The following DNAL1 variants were observed in gnomAD, a reference collection of about 807,000 sequenced individuals.
DNAL1 encodes chromosome 14 open reading frame 168.
A neutral mutation model predicts 29.4 loss-of-function variants in DNAL1; 17 were observed. The observed-to-expected ratio is 0.58, with a 90% CI of 0.40 to 0.87. The LOEUF (loss-of-function observed/expected upper bound fraction) is 0.87. DNAL1 is among the 40% of genes least tolerant of loss of function. The pLI, the probability that DNAL1 is intolerant of heterozygous loss-of-function variation, is 0.00. For synonymous variants in DNAL1, 78 were observed against 76.3 expected, an observed-to-expected ratio of 1.02 and a Z score of -0.12; for missense variants, 188 against 214.1, an observed-to-expected ratio of 0.88 and a Z score of 0.76.
rs1200036327 is a variant in DNAL1 at position 73,697,753 on chromosome 14, A to AT, written c.*1811_*1812insT. 1 of 151,590 alleles carries AT rather than the reference A, an allele frequency of 6.6e-6. No homozygotes were observed. The highest frequency in any genetic ancestry group is 2.4e-5 in the African/African-American group (1 of 41,230). 9.4% of individuals were successfully genotyped at this position (151,590 alleles called of 1,614,324 possible). ...GCGAGACTCCATATTTAAAAAAAAA[A>AT]AAAAAAAAAAAAGAGGAAAACTTGG... On this transcript the variant is annotated 3_prime_UTR_variant, in exon 8 of 8. Coordinates refer to ENST00000553645, the MANE Select transcript of DNAL1 (RefSeq NM_031427.4).
intron 1 of DNAL1, among the ~76,000 whole-genome samples, chr14:73,649,089 G>A (rs558270252): frequency 2.6e-5 from 4 of 151,318 alleles, no homozygotes; most frequent in Admixed American, 1.3e-4. Flanking sequence ...AATTCTCCTC[G>A]TCAGCCTCCC....
intron 1 of DNAL1, 59 bp from the exon 2 acceptor site, chr14:73,654,788 A>T (rs983682695): frequency 2.3e-5 from 33 of 1,413,626 alleles, no homozygotes; most frequent in Middle Eastern, 2.3e-4. Flanking sequence ...ATACATACAT[A>T]CATTCATACA....
At chr14:73,689,279 G>A (rs1427542365) in intron 6 of DNAL1, 96 bp from the exon 7 acceptor site, 23 of 1,428,588 alleles carry the variant, frequency 1.6e-5, no homozygotes, top group Middle Eastern at 1.8e-4. Flanking sequence ...TGATCCGCCC[G>A]CCTTGTCCCC....
chr14:73,682,662 A>G (rs1891917103), intron 5 of DNAL1, among the ~76,000 whole-genome samples: 1 of 151,670 alleles, frequency 6.6e-6, no homozygotes, highest in Non-Finnish European at 1.5e-5. Context: ...AATCTTTTTT[A>G]CACATTTTTG....
At chr14:73,646,972 CT>C (rs1890990003) in intron 1 of DNAL1, among the ~76,000 whole-genome samples, 2 of 152,066 alleles carry the variant, frequency 1.3e-5, no homozygotes, top group Admixed American at 6.6e-5. Context: ...CTTTCAGTGT[CT>C]TTTTTTCCCC....
In DNAL1 at chr14:73,699,405, A is replaced by AAGC. The variant is rs1892378454; in HGVS notation, c.*3465_*3467dup. On this transcript the variant is annotated 3_prime_UTR_variant, in exon 8 of 8. Transcript: ENST00000553645. Reference sequence around the variant, plus strand: ...ACTGCAACCTCCGTCTCCCGGGTTCAAGCAATTCTTCTGCCTCCGCCTCCC... The same window carrying AAGC: ...ACTGCAACCTCCGTCTCCCGGGTTCAAGCAGCAATTCTTCTGCCTCCGCCTCCC... 1 of 151,684 alleles carries AAGC rather than the reference A, an allele frequency of 6.6e-6. No homozygotes were observed. Among genetic ancestry groups the AAGC allele is most frequent in the Non-Finnish European group, 1.5e-5 (1 of 68,006 alleles). 9.4% of individuals were successfully genotyped at this position (151,684 alleles called of 1,614,324 possible).
intron 4 of DNAL1, among the ~76,000 whole-genome samples, chr14:73,668,546 G>A (rs1301470593): frequency 6.6e-6 from 1 of 152,136 alleles, no homozygotes; most frequent in African/African-American, 2.4e-5. Context: ...CCCACAGATT[G>A]GGTGGCTTAA....
chr14:73,676,862 C>T (rs1183633203), intron 5 of DNAL1, among the ~76,000 whole-genome samples: 2 of 151,960 alleles, frequency 1.3e-5, no homozygotes, highest in Middle Eastern at 3.4e-3. Context: ...TTGATAGGTA[C>T]CTCAAATTGT....
chr14:73,673,495 G>A (rs898490521), intron 5 of DNAL1, among the ~76,000 whole-genome samples: 1 of 152,212 alleles, frequency 6.6e-6, no homozygotes, highest in Admixed American at 6.5e-5. Context: ...TTTAGATATC[G>A]TCACTTTTTA....
chr14:73,697,802 TTC>T lies in DNAL1; in HGVS notation c.*1866_*1867del, dbSNP rs1892338066. On this transcript the variant is annotated 3_prime_UTR_variant, in exon 8 of 8. Transcript: ENST00000553645. Reference sequence around the variant, plus strand: ...GGTCTAACACCCTTTTAGTTTTCTTTTCTCTCTTCTTTTCAATCTGATAGGAA... The same window carrying T: ...GGTCTAACACCCTTTTAGTTTTCTTTTCTCTTCTTTTCAATCTGATAGGAA... 1 of 152,054 alleles carries T rather than the reference TTC, an allele frequency of 6.6e-6. No individual in the cohort carries two copies. The highest frequency in any genetic ancestry group is 1.5e-5 in the Non-Finnish European group (1 of 68,012). 9.4% of individuals were successfully genotyped at this position (152,054 alleles called of 1,614,324 possible).
At chr14:73,677,865 TA>T (rs1891778773) in intron 5 of DNAL1, among the ~76,000 whole-genome samples, 5 of 112,086 alleles carry the variant, frequency 4.5e-5, no homozygotes, top group Admixed American at 2.8e-4. Flanking sequence ...CCCATATATT[TA>T]TATATATATA....
At position 73,703,129 on chromosome 14, in the gene DNAL1, A is replaced by G. The variant is rs1201697375; in HGVS notation, c.*7187A>G. ...AAAAACAAATAGAAGACAAATTTCA[A>G]TTTCTGAGTTTATACAAAGAAAGCC... On this transcript the variant is annotated 3_prime_UTR_variant, in exon 8 of 8. Transcript: ENST00000553645. 1 of 152,098 alleles carries G rather than the reference A, an allele frequency of 6.6e-6. No homozygotes were observed. Among genetic ancestry groups the G allele is most frequent in the African/African-American group, 2.4e-5 (1 of 41,436 alleles). 9.4% of individuals were successfully genotyped at this position (152,098 alleles called of 1,614,324 possible). A position where few individuals can be genotyped will look rare whatever the true frequency, so the allele number is the denominator to read the frequency against.
chr14:73,681,108 T>A (rs1283201954), intron 5 of DNAL1, among the ~76,000 whole-genome samples: 2 of 150,534 alleles, frequency 1.3e-5, no homozygotes, highest in Non-Finnish European at 1.5e-5. Flanking sequence ...GTTGTTGTTA[T>A]TTGTTGTTGT....
chr14:73,686,946 A>G (rs1456775634), intron 5 of DNAL1, among the ~76,000 whole-genome samples: 1 of 152,024 alleles, frequency 6.6e-6, no homozygotes, highest in African/African-American at 2.4e-5. Context: ...AATGAACGAG[A>G]TAAGATAGTG....
intron 2 of DNAL1, among the ~76,000 whole-genome samples, chr14:73,657,392 G>T (rs969907105): frequency 6.6e-6 from 1 of 152,090 alleles, no homozygotes; most frequent in Admixed American, 6.6e-5. Context: ...TGTTGCTCAG[G>T]CTGGTTTCCA....
intron 5 of DNAL1, among the ~76,000 whole-genome samples, chr14:73,672,010 GA>G (rs1476143759): frequency 1.3e-5 from 2 of 152,102 alleles, no homozygotes; most frequent in African/African-American, 4.8e-5. Context: ...TAAACATACT[GA>G]AATTTTGTAT....
rs868400364 is a variant in DNAL1 at position 73,691,855 on chromosome 14, C to A, written c.532+2340C>A. Among the ~76,000 whole-genome samples the A allele has an allele frequency of 1.4e-3, 164 of 117,242 alleles. 2 individuals are homozygous for A. The South Asian group carries it at 0.032, about 23-fold the overall frequency. The allele number at this position is 117,242 out of a possible 152,430, so 76.9% of individuals were successfully genotyped here. A position where few individuals can be genotyped will look rare whatever the true frequency, so the allele number is the denominator to read the frequency against. On this transcript the variant is annotated intron_variant, in intron 7 of 7. Coordinates refer to ENST00000553645, the MANE Select transcript of DNAL1 (RefSeq NM_031427.4). ...ACTACAGGCGTGCGCCACCCCCCCC[C>A]CCCAGCTAATTTTTGTATTTTTAGT...
chr14:73,675,857 A>C (rs751786631), intron 5 of DNAL1, among the ~76,000 whole-genome samples: 17 of 152,024 alleles, frequency 1.1e-4, no homozygotes, highest in Non-Finnish European at 1.6e-4. Flanking sequence ...TCTACTAAAA[A>C]TACAAAAATT....
At chr14:73,662,902 C>CA (rs1332017441) in intron 4 of DNAL1, among the ~76,000 whole-genome samples, 4 of 151,402 alleles carry the variant, frequency 2.6e-5, no homozygotes, top group African/African-American at 9.7e-5. Context: ...TTTAGCCTAC[C>CA]ACAGTCTCTC....
Sources: gnomAD v4.1 joint callset for allele counts (sites outside exome capture counted in the v4.1 genomes callset) on GRCh38, gnomAD v4.1.1 for gene constraint, MANE v1.5 for transcripts, NCBI Gene and HGNC (gene_info 2026-07-23, HGNC 2026-07-21) for gene names.